Variants in PRICKLE1 observed in about 807,000 individuals in gnomAD.
PRICKLE1 encodes the protein prickle-like protein 1.
In PRICKLE1, 14 loss-of-function variants were observed where a neutral mutation model predicts 70.2. The observed-to-expected ratio is 0.20, with a 90% CI of 0.13 to 0.31. PRICKLE1 has a LOEUF of 0.31. Among genes scored for constraint, PRICKLE1 ranks in the 10% least tolerant of loss-of-function variants. The pLI, the probability that PRICKLE1 is intolerant of heterozygous loss-of-function variation, is 1.00. For missense variants in PRICKLE1, 821 were observed against 1,026.2 expected (o/e 0.80, Z 2.73); for synonymous variants, 357 against 379.9 (o/e 0.94, Z 0.70).
chr12:42,521,465 C>G (rs1030640719), intron 1 of PRICKLE1, among the ~76,000 whole-genome samples: 4 of 151,880 alleles, frequency 2.6e-5, no homozygotes, highest in Non-Finnish European at 4.4e-5. Context: ...TTTGGGAGGC[C>G]GAGGTGGGAG....
At chr12:42,514,896 T>A (rs565220174) in intron 1 of PRICKLE1, among the ~76,000 whole-genome samples, 2 of 82,820 alleles carry the variant, frequency 2.4e-5, no homozygotes, top group Admixed American at 1.4e-4. Flanking sequence ...GCTCTATCTA[T>A]CTATCTATCT....
intron 1 of PRICKLE1, among the ~76,000 whole-genome samples, chr12:42,473,467 C>CT (rs1403396267): frequency 1.3e-5 from 2 of 152,186 alleles, no homozygotes; most frequent in Admixed American, 6.5e-5. Flanking sequence ...ATTCCCTGCC[C>CT]TAGAACCCAG....
At position 42,581,310 on chromosome 12, in the gene PRICKLE1, T is replaced by A. The variant is rs1344950921; in HGVS notation, c.-49+8155A>T. Among the ~76,000 whole-genome samples, 3 of 152,044 alleles carry A rather than the reference T, an allele frequency of 2.0e-5. No homozygotes were observed. The East Asian group carries it at 5.8e-4, about 29-fold the overall frequency. Reference sequence around the variant, plus strand: ...CACACAGTTATTGTACTAGTCTGAGTTTTTTGGTTTTTAATCCAAAAAACT... The same window carrying A: ...CACACAGTTATTGTACTAGTCTGAGATTTTTGGTTTTTAATCCAAAAAACT... On this transcript the variant is annotated intron_variant, in intron 1 of 7. Coordinates refer to ENST00000345127, the MANE Select transcript of PRICKLE1 (RefSeq NM_153026.3).
Position 42,458,134 on chromosome 12 carries a change from T to C in PRICKLE1, c.*1675A>G, listed in dbSNP as rs1937646912. On this transcript the variant is annotated 3_prime_UTR_variant, in exon 8 of 8. Coordinates refer to ENST00000345127, the MANE Select transcript of PRICKLE1 (RefSeq NM_153026.3). The stretch of plus-strand genomic sequence containing the variant: ...GGTTTACCCATTGGACTTGTGTCTG[T>C]CCTCCCTAAGGCCAAATTTTCCCCA... The C allele has an allele frequency of 6.6e-6, 1 of 152,190 alleles. No homozygotes were observed. The highest frequency in any genetic ancestry group is 2.4e-5 in the African/African-American group (1 of 41,438). 9.4% of individuals were successfully genotyped at this position (152,190 alleles called of 1,614,324 possible).
chr12:42,460,585 A>C lies in PRICKLE1; in HGVS notation c.1720T>G (p.Cys574Gly). 6.2e-7 allele frequency: 1 copy of C among 1,613,904 alleles called. No homozygotes were observed. Among genetic ancestry groups the C allele is most frequent in the Non-Finnish European group, 8.5e-7 (1 of 1,180,008 alleles). The change falls in exon 8 of 8, where the codon TGT becomes GGT. Residue 574 changes from cysteine to glycine, a missense_variant. By Grantham distance (159) the Cys-to-Gly change is radical. Transcript: ENST00000345127. Reference protein sequence around the residue: ...QNFEEMETEDCEKMSNMGTLN... With the variant: ...QNFEEMETEDGEKMSNMGTLN... ...GTTCCCATATTGCTCATCTTCTCAC[A>C]ATCTTCTGTTTCCATCTCCTCAAAA... is the stretch of plus-strand genomic sequence containing the variant.
intron 1 of PRICKLE1, among the ~76,000 whole-genome samples, chr12:42,565,860 C>G (rs969033347): frequency 1.3e-5 from 2 of 152,152 alleles, no homozygotes; most frequent in Admixed American, 1.3e-4. Flanking sequence ...GCTGCGAGGG[C>G]TTTGTTTCAA....
At chr12:42,539,343 CTGTAG>C (rs1004495060) in intron 1 of PRICKLE1, among the ~76,000 whole-genome samples, 1 of 151,858 alleles carries the variant, frequency 6.6e-6, no homozygotes, top group Non-Finnish European at 1.5e-5. Flanking sequence ...GGGTGGGCGC[CTGTAG>C]TCCCAGCTAC....
intron 1 of PRICKLE1, among the ~76,000 whole-genome samples, chr12:42,515,269 C>T (rs1234886082): frequency 5.0e-5 from 7 of 141,074 alleles, no homozygotes; most frequent in African/African-American, 1.6e-4. Context: ...GATGGAATTT[C>T]GCTCTTATTG....
At chr12:42,531,106 G>A (rs1453952631) in intron 1 of PRICKLE1, among the ~76,000 whole-genome samples, 1 of 92,014 alleles carries the variant, frequency 1.1e-5, no homozygotes, top group Admixed American at 1.0e-4. Flanking sequence ...GAGTACAGTG[G>A]CACGATCTCG....
In PRICKLE1 at chr12:42,468,798, G is replaced by C; in HGVS notation, c.416C>G (p.Ala139Gly). 1.2e-6 allele frequency: 2 copies of C among 1,614,106 alleles called. No individual in the cohort carries two copies. The highest frequency in any genetic ancestry group is 1.7e-6 in the Non-Finnish European group (2 of 1,180,024). The change falls in exon 5 of 8, where the codon GCA becomes GGA. Residue 139 changes from alanine to glycine, a missense_variant. Ala to Gly is a moderately conservative substitution (Grantham distance 60). Coordinates refer to ENST00000345127, the MANE Select transcript of PRICKLE1 (RefSeq NM_153026.3). Reference sequence around the variant, plus strand: ...AGGGCCCGCACGGGAGGCGAACACTGCAACTTCACCTCCATTTATCTTCAA... The same window carrying C: ...AGGGCCCGCACGGGAGGCGAACACTCCAACTTCACCTCCATTTATCTTCAA... Reference protein sequence around the residue: ...CGLKINGGEVAVFASRAGPGV... With the variant: ...CGLKINGGEVGVFASRAGPGV...
rs926785615 is a variant in PRICKLE1 at position 42,536,620 on chromosome 12, G to T, written c.-49+52845C>A. 1.4e-4 allele frequency among the ~76,000 whole-genome samples: 22 copies of T among 152,258 alleles called. No individual in the cohort carries two copies. The South Asian group carries it at 4.2e-3, about 29-fold the overall frequency. ...TCTTTGGTTCCTGCTACACTGCTTA[G>T]TTCTAACAGCTCTCTCATCTGACTC... On this transcript the variant is annotated intron_variant, in intron 1 of 7. Coordinates refer to ENST00000345127, the MANE Select transcript of PRICKLE1 (RefSeq NM_153026.3).
At chr12:42,559,552 TA>T (rs1187569041) in intron 1 of PRICKLE1, among the ~76,000 whole-genome samples, 1 of 148,198 alleles carries the variant, frequency 6.7e-6, no homozygotes, top group East Asian at 2.0e-4. Flanking sequence ...AGCAAATTTT[TA>T]AAAAACACAA....
intron 1 of PRICKLE1, among the ~76,000 whole-genome samples, chr12:42,490,346 C>A (rs61924403): frequency 0.13 from 19,672 of 152,016 alleles, 1,627 homozygotes; most frequent in South Asian, 0.21. Context: ...AGTTTGAGGG[C>A]CAAAAGAGCT....
intron 1 of PRICKLE1, among the ~76,000 whole-genome samples, chr12:42,509,941 C>T (rs1939482655): frequency 6.6e-6 from 1 of 151,668 alleles, no homozygotes; most frequent in South Asian, 2.1e-4. Context: ...GGAATGTTGG[C>T]ACACACTTGG....
At chr12:42,503,750 T>A (rs556865281) in intron 1 of PRICKLE1, among the ~76,000 whole-genome samples, 2 of 152,314 alleles carry the variant, frequency 1.3e-5, no homozygotes, top group Non-Finnish European at 2.9e-5. Context: ...AATTCTCAGC[T>A]ATGGGAATCT....
chr12:42,460,517 C>T lies in PRICKLE1; in HGVS notation c.1788G>A (p.Lys596=). 1 of 1,614,104 alleles carries T rather than the reference C, an allele frequency of 6.2e-7. No individual in the cohort carries two copies. Among genetic ancestry groups the T allele is most frequent in the Non-Finnish European group, 8.5e-7 (1 of 1,179,954 alleles). ...CTGGACACAACTCTGAACTTAGACT[C>T]TTTAAGGACTCTGCACTCCTGTGCA... The part of the protein sequence containing the change: ...SMLHRSAESL[K]SLSSELCPEK... The change falls in exon 8 of 8, where the codon AAG becomes AAA. Residue 596 remains lysine, a synonymous_variant. Coordinates refer to ENST00000345127, the MANE Select transcript of PRICKLE1 (RefSeq NM_153026.3).
At chr12:42,495,200 C>A (rs1431581423) in intron 1 of PRICKLE1, among the ~76,000 whole-genome samples, 1 of 149,500 alleles carries the variant, frequency 6.7e-6, no homozygotes, top group Non-Finnish European at 1.5e-5. Flanking sequence ...GAAATCCCAT[C>A]TCTACAAAAA....
chr12:42,462,951 T>C (rs112454538), intron 7 of PRICKLE1, among the ~76,000 whole-genome samples: 2 of 152,356 alleles, frequency 1.3e-5, no homozygotes, highest in African/African-American at 4.8e-5. Context: ...TGAAATGCAA[T>C]CATATCATCC....
intron 2 of PRICKLE1, among the ~76,000 whole-genome samples, chr12:42,471,836 T>C (rs1412312724): frequency 2.0e-5 from 3 of 152,200 alleles, no homozygotes; most frequent in African/African-American, 7.2e-5. Flanking sequence ...AAACAAAGCA[T>C]AAAATTAACT....
Sources: gnomAD v4.1 joint callset for allele counts (sites outside exome capture counted in the v4.1 genomes callset) on GRCh38, gnomAD v4.1.1 for gene constraint, MANE v1.5 for transcripts, NCBI Gene and HGNC (gene_info 2026-07-23, HGNC 2026-07-21) for gene names.